CRYBG1: variants seen among roughly 807,000 people sequenced by gnomAD.
The protein encoded by CRYBG1 is beta/gamma crystallin domain-containing protein 1.
A neutral mutation model predicts 189.2 loss-of-function variants in CRYBG1; 139 were observed. The ratio of observed to expected loss-of-function variants is 0.73; its 90% confidence interval spans 0.64 to 0.85. CRYBG1 has a LOEUF of 0.85. CRYBG1 is among the 40% of genes least tolerant of loss of function. The pLI, the probability that CRYBG1 is intolerant of heterozygous loss-of-function variation, is 0.00. For missense variants in CRYBG1, 2,611 were observed against 2,675.8 expected (o/e 0.98, Z 0.53); for synonymous variants, 1,023 against 1,017.1 (o/e 1.01, Z -0.11).
At position 106,512,505 on chromosome 6, in the gene CRYBG1, C is replaced by A. The variant is rs1348331015; in HGVS notation, c.1388C>A (p.Ala463Glu). The A allele has an allele frequency of 1.2e-6, 2 of 1,610,994 alleles. No individual in the cohort carries two copies. The highest frequency in any genetic ancestry group is 1.1e-5 in the South Asian group (1 of 90,750). Reference protein sequence around the residue: ...APNAASDNASAEKKVKSPRAA... With the variant: ...APNAASDNASEEKKVKSPRAA... ...AACGCGGCCAGCGATAACGCCTCGG[C>A]GGAAAAGAAAGTGAAATCTCCGCGG... The change falls in exon 3 of 22, where the codon GCG (alanine) becomes GAG (glutamate). Residue 463 changes from alanine (A) to glutamate (E), a missense_variant. This residue lies in a region of CRYBG1 where 985 missense variants were observed against 924.4 expected (regional missense o/e 1.07). Coordinates refer to ENST00000633556, the MANE Select transcript of CRYBG1 (RefSeq NM_001371242.2).
At chr6:106,557,453 G>C (rs1336670917) in intron 17 of CRYBG1, among the ~76,000 whole-genome samples, 1 of 151,150 alleles carries the variant, frequency 6.6e-6, no homozygotes, top group African/African-American at 2.4e-5. Flanking sequence ...TGCCCAGGCT[G>C]GAGTGCAGTG....
At chr6:106,522,121 T>A (rs934742151) in intron 4 of CRYBG1, among the ~76,000 whole-genome samples, 7 of 152,224 alleles carry the variant, frequency 4.6e-5, no homozygotes, top group African/African-American at 1.7e-4. Flanking sequence ...ACAGATGAGT[T>A]GCTTTTTCTT....
chr6:106,415,306 G>T (rs1363003096), intron 1 of CRYBG1, among the ~76,000 whole-genome samples: 2 of 152,208 alleles, frequency 1.3e-5, no homozygotes, highest in Non-Finnish European at 2.9e-5. Flanking sequence ...TGTGTAAAAA[G>T]TGCCTTTAAT....
intron 2 of CRYBG1, among the ~76,000 whole-genome samples, chr6:106,509,650 G>T (rs1180563739): frequency 6.6e-6 from 1 of 151,892 alleles, no homozygotes; most frequent in Non-Finnish European, 1.5e-5. Context: ...GACTCTGGGG[G>T]GTGGGTGACC....
intron 1 of CRYBG1, among the ~76,000 whole-genome samples, chr6:106,413,742 G>A (rs1418394247): frequency 1.3e-5 from 2 of 151,740 alleles, no homozygotes; most frequent in African/African-American, 2.4e-5. Context: ...AGAAGAGGGT[G>A]AATGTTTGAA....
At chr6:106,391,264 T>C (rs1368783338) in intron 1 of CRYBG1, among the ~76,000 whole-genome samples, 1 of 152,142 alleles carries the variant, frequency 6.6e-6, no homozygotes, top group Non-Finnish European at 1.5e-5. Context: ...TGTATTTTAG[T>C]AGAGATGGGG....
At chr6:106,486,651 C>T (rs561937901) in intron 2 of CRYBG1, among the ~76,000 whole-genome samples, 1 of 152,232 alleles carries the variant, frequency 6.6e-6, no homozygotes, top group Admixed American at 6.5e-5. Context: ...TTCTTGTTGA[C>T]TCAGTCCCTT....
intron 2 of CRYBG1, among the ~76,000 whole-genome samples, chr6:106,496,540 G>A (rs892399677): frequency 7.2e-5 from 11 of 151,806 alleles, no homozygotes; most frequent in Admixed American, 4.6e-4. Context: ...GTTTAAGAGC[G>A]TCATGACTAT....
chr6:106,558,346 G>C (rs774617783), intron 17 of CRYBG1, 140 bp from the exon 18 acceptor site: 1 of 629,070 alleles, frequency 1.6e-6, no homozygotes, highest in African/African-American at 1.9e-5. Context: ...AAACATCCAG[G>C]CTCCCTTGGA....
intron 1 of CRYBG1, among the ~76,000 whole-genome samples, chr6:106,438,685 G>A (rs557785532): frequency 1.3e-5 from 2 of 151,788 alleles, no homozygotes; most frequent in East Asian, 1.9e-4. Flanking sequence ...GTATTTCTTC[G>A]GTTGATCAAT....
chr6:106,538,999 C>T (rs991935306), intron 8 of CRYBG1, among the ~76,000 whole-genome samples: 1 of 152,054 alleles, frequency 6.6e-6, no homozygotes, highest in African/African-American at 2.4e-5. Flanking sequence ...TTAACTTTAT[C>T]TATAAAATGG....
chr6:106,512,002 T>C lies in CRYBG1; in HGVS notation c.885T>C (p.Gly295=). The C allele has an allele frequency of 6.5e-7, 1 of 1,529,620 alleles. No individual in the cohort carries two copies. Among genetic ancestry groups the C allele is most frequent in the South Asian group, 1.2e-5 (1 of 83,472 alleles). 94.8% of individuals were successfully genotyped at this position (1,529,620 alleles called of 1,614,324 possible). The change falls in exon 3 of 22, where the codon GGT becomes GGC. Residue 295 remains glycine, a synonymous_variant. Transcript: ENST00000633556. Reference sequence around the variant, plus strand: ...AGGAGGCTTTCCTGGGTGTGAGGGGTGCGCCAGGGTCGCCCACCCAGGAGC... The same window carrying C: ...AGGAGGCTTTCCTGGGTGTGAGGGGCGCGCCAGGGTCGCCCACCCAGGAGC... ...HEQEAFLGVR[G]APGSPTQERP... is the part of the protein sequence containing the mutation.
At chr6:106,498,100 TAAAA>T (rs11295015) in intron 2 of CRYBG1, among the ~76,000 whole-genome samples, 2 of 123,376 alleles carry the variant, frequency 1.6e-5, no homozygotes, top group Admixed American at 8.3e-5. Flanking sequence ...GACTCCGTCT[TAAAA>T]AAAAAAAAAA....
Position 106,561,324 on chromosome 6 carries a change from G to T in CRYBG1, c.5980-18G>T. On this transcript the variant is annotated intron_variant, in intron 19 of 21. Coordinates refer to ENST00000633556, the MANE Select transcript of CRYBG1 (RefSeq NM_001371242.2). ...CAGCACATCTGGTATAACAACTGCTGGGGGTTTTGTCTTCTAGAAGCGAAT... is the reference window on the plus strand; with the variant it reads ...CAGCACATCTGGTATAACAACTGCTTGGGGTTTTGTCTTCTAGAAGCGAAT... 1 of 1,611,964 alleles carries T rather than the reference G, an allele frequency of 6.2e-7. No individual in the cohort carries two copies. Among genetic ancestry groups the T allele is most frequent in the Non-Finnish European group, 8.5e-7 (1 of 1,178,918 alleles).
chr6:106,375,421 G>GTAAATAAATAAA (rs534278338), intron 1 of CRYBG1, among the ~76,000 whole-genome samples: 46 of 125,390 alleles, frequency 3.7e-4, no homozygotes, highest in African/African-American at 1.6e-3. Context: ...AAGTAAGTAA[G>GTAAATAAATAAA]TAAATAAATA....
chr6:106,406,595 C>A (rs1280869237), intron 1 of CRYBG1, among the ~76,000 whole-genome samples: 69 of 146,854 alleles, frequency 4.7e-4, no homozygotes, highest in Middle Eastern at 3.4e-3. Flanking sequence ...TCAGATTCAC[C>A]AAGGTTGAAA....
At chr6:106,517,477 T>C (rs935487849) in intron 3 of CRYBG1, among the ~76,000 whole-genome samples, 8 of 147,926 alleles carry the variant, frequency 5.4e-5, no homozygotes, top group Non-Finnish European at 1.0e-4. Flanking sequence ...CACACACATA[T>C]ATATATACAC....
At chr6:106,518,734 G>A (rs1239770457) in intron 3 of CRYBG1, among the ~76,000 whole-genome samples, 1 of 152,146 alleles carries the variant, frequency 6.6e-6, no homozygotes, top group Non-Finnish European at 1.5e-5. Flanking sequence ...AAGATGGGAG[G>A]ATTGCTTGAA....
chr6:106,421,672 TG>T (rs1180553298), intron 1 of CRYBG1, among the ~76,000 whole-genome samples: 3 of 152,154 alleles, frequency 2.0e-5, no homozygotes, highest in African/African-American at 7.2e-5. Context: ...AACATTCCTG[TG>T]GTTTCTTTCT....
Sources: allele counts gnomAD v4.1 joint callset (sites outside exome capture counted in the v4.1 genomes callset), GRCh38; gene constraint gnomAD v4.1.1; regional missense constraint gnomAD v4.1.1; transcripts MANE v1.5; gene names NCBI Gene and HGNC (gene_info 2026-07-23, HGNC 2026-07-21).